Variants in NDUFA2 observed in about 807,000 individuals in gnomAD.
NDUFA2 encodes the protein NADH:ubiquinone oxidoreductase subunit A2, also known as NADH dehydrogenase [ubiquinone] 1 alpha subcomplex subunit 2.
A neutral mutation model predicts 11.4 loss-of-function variants in NDUFA2; 9 were observed. The ratio of observed to expected loss-of-function variants is 0.79; its 90% CI spans 0.48 to 1.38. The LOEUF (loss-of-function observed/expected upper bound fraction) is 1.38, where lower values mean the gene tolerates loss of function less well. Ranked by LOEUF, NDUFA2 falls within the 40% of genes most tolerant of loss-of-function variation. The pLI, the probability that NDUFA2 is intolerant of heterozygous loss-of-function variation, is 0.00. For missense variants in NDUFA2, 150 were observed against 131.2 expected, an observed-to-expected ratio of 1.14 and a Z score of -0.70; for synonymous variants, 49 against 54.0, an observed-to-expected ratio of 0.91 and a Z score of 0.41.
intron 2 of NDUFA2, among the ~76,000 whole-genome samples, chr5:140,646,286 C>A (rs576606273): frequency 6.6e-6 from 1 of 152,160 alleles, no homozygotes; most frequent in African/African-American, 2.4e-5. Flanking sequence ...GCTGGGATTA[C>A]AGGCGTGAAC....
At position 140,647,325 on chromosome 5, in the gene NDUFA2, C is replaced by A. The variant is rs913505571; in HGVS notation, c.139G>T (p.Ala47Ser). 1 of 1,601,878 alleles carries A rather than the reference C, an allele frequency of 6.2e-7. No homozygotes were observed. Among genetic ancestry groups the A allele is most frequent in the African/African-American group, 1.3e-5 (1 of 74,752 alleles). Residue 47 changes from alanine (A) to serine (S), a missense_variant, in exon 2 of 3, where the codon GCG becomes TCG. By Grantham distance (99) the Ala-to-Ser change is moderately conservative. Transcript: ENST00000252102. ...IEKRYVELKK[A>S]NPDLPILIRE... ...ATTAGGATGGGTAGGTCGGGATTCG[C>A]CTTCTTCAGCTCCACGTAGCGTTTC...
intron 1 of NDUFA2, 50 bp from the exon 2 acceptor site, chr5:140,647,412 C>A (rs754726383): frequency 1.1e-5 from 17 of 1,610,598 alleles, no homozygotes; most frequent in Non-Finnish European, 1.4e-5. Flanking sequence ...GGGCTTCCCT[C>A]AACTTCAGGG....
intron 2 of NDUFA2, 157 bp from the exon 3 acceptor site, chr5:140,645,835 A>C: frequency 7.6e-7 from 1 of 1,307,816 alleles, no homozygotes; most frequent in South Asian, 1.3e-5. Flanking sequence ...AATTAATACA[A>C]TAGGTCTCAA....
chr5:140,645,487 A>G lies in NDUFA2; in HGVS notation c.*100T>C. ...ACCCTGAGAAAGTATTTTACAGCACAAGCTTTATGAGGAATAGGAGAACAC... is the reference window on the plus strand; with the variant it reads ...ACCCTGAGAAAGTATTTTACAGCACGAGCTTTATGAGGAATAGGAGAACAC... On this transcript the variant is annotated 3_prime_UTR_variant, in exon 3 of 3. Coordinates refer to ENST00000252102, the MANE Select transcript of NDUFA2 (RefSeq NM_002488.5). The G allele has an allele frequency of 6.8e-7, 1 of 1,472,840 alleles. No individual in the cohort carries two copies. Among genetic ancestry groups the G allele is most frequent in the Non-Finnish European group, 9.4e-7 (1 of 1,063,788 alleles). 91.2% of individuals were successfully genotyped at this position (1,472,840 alleles called of 1,614,324 possible). A position where few individuals can be genotyped will look rare whatever the true frequency, so the allele number is the denominator to read the frequency against.
intron 1 of NDUFA2, 31 bp from the exon 2 acceptor site, chr5:140,647,393 T>G: frequency 6.2e-7 from 1 of 1,611,116 alleles, no homozygotes; most frequent in East Asian, 2.2e-5. Context: ...CCGCGCGTGC[T>G]GTGGGCGGGG....
At chr5:140,646,304 C>T (rs1757394945) in intron 2 of NDUFA2, among the ~76,000 whole-genome samples, 1 of 152,188 alleles carries the variant, frequency 6.6e-6, no homozygotes, top group Non-Finnish European at 1.5e-5. Context: ...AACCACCGCA[C>T]CCAGCTGGGT....
chr5:140,645,290 G>C lies in NDUFA2; in HGVS notation c.*297C>G. ...AGGCAGGAGGACCAAAAGGGACTCAGTGTGGTCTACTTACTCTGGGGCCCT... is the reference window on the plus strand; with the variant it reads ...AGGCAGGAGGACCAAAAGGGACTCACTGTGGTCTACTTACTCTGGGGCCCT... On this transcript the variant is annotated 3_prime_UTR_variant, in exon 3 of 3. Transcript: ENST00000252102. The C allele has an allele frequency of 1.4e-6, 1 of 712,302 alleles. No individual in the cohort carries two copies. Among genetic ancestry groups the C allele is most frequent in the South Asian group, 1.7e-5 (1 of 60,016 alleles). The allele number at this position is 712,302 out of a possible 1,614,324, so 44.1% of individuals were successfully genotyped here. A position where few individuals can be genotyped will look rare whatever the true frequency, so the allele number is the denominator to read the frequency against.
In NDUFA2 at chr5:140,647,567, G is replaced by A. The variant is rs745915609; in HGVS notation, c.17C>T (p.Ala6Val). 17 of 1,610,582 alleles carry A rather than the reference G, an allele frequency of 1.1e-5. No homozygotes were observed. Among genetic ancestry groups the A allele is most frequent in the Non-Finnish European group, 1.4e-5 (17 of 1,179,966 alleles). MAAAA[A>V]SRGVGAKLGL... Reference sequence around the variant, plus strand: ...CAGCTTTGCCCCGACTCCTCGACTTGCTGCGGCCGCCGCCATCCTTGTTAA... The same window carrying A: ...CAGCTTTGCCCCGACTCCTCGACTTACTGCGGCCGCCGCCATCCTTGTTAA... Residue 6 changes from alanine to valine, a missense_variant, in exon 1 of 3, where the codon GCA (alanine) becomes GTA (valine). Ala to Val is a moderately conservative substitution (Grantham distance 64). Coordinates refer to ENST00000252102, the MANE Select transcript of NDUFA2 (RefSeq NM_002488.5).
At chr5:140,647,119 G>A in intron 2 of NDUFA2, 137 bp downstream of exon 2, 1 of 979,292 alleles carries the variant, frequency 1.0e-6, no homozygotes, top group East Asian at 2.7e-5. Flanking sequence ...TTTCTTCATG[G>A]AAACAAGATC....
intron 2 of NDUFA2, among the ~76,000 whole-genome samples, chr5:140,646,462 C>G (rs1359703776): frequency 6.6e-6 from 1 of 152,102 alleles, no homozygotes; most frequent in African/African-American, 2.4e-5. Context: ...TGTCTAATGT[C>G]TACTGTGTCT....
chr5:140,647,572 G>C lies in NDUFA2; in HGVS notation c.12C>G (p.Ala4=). The C allele has an allele frequency of 6.2e-7, 1 of 1,610,418 alleles. No individual in the cohort carries two copies. Among genetic ancestry groups the C allele is most frequent in the Non-Finnish European group, 8.5e-7 (1 of 1,179,956 alleles). Reference sequence around the variant, plus strand: ...TTGCCCCGACTCCTCGACTTGCTGCGGCCGCCGCCATCCTTGTTAATATCG... The same window carrying C: ...TTGCCCCGACTCCTCGACTTGCTGCCGCCGCCGCCATCCTTGTTAATATCG... MAA[A]AASRGVGAKL... The change falls in exon 1 of 3, where the codon GCC becomes GCG. Residue 4 remains alanine, a synonymous_variant. Transcript: ENST00000252102.
At position 140,647,288 on chromosome 5, in the gene NDUFA2, G is replaced by A. The variant is rs138906500; in HGVS notation, c.176C>T (p.Ser59Phe). 2.3e-5 allele frequency: 36 copies of A among 1,571,720 alleles called. No homozygotes were observed. Among genetic ancestry groups the A allele is most frequent in the Non-Finnish European group, 2.9e-5 (34 of 1,156,572 alleles). The change falls in exon 2 of 3, where the codon TCC (serine) becomes TTC (phenylalanine). Residue 59 changes from serine (S) to phenylalanine (F), a missense_variant. Ser to Phe is a radical substitution (Grantham distance 155). Transcript: ENST00000252102. ...PDLPILIREC[S>F]DVQPKLWARY... ...GGCCCAGAGCTTGGGCTGCACATCGGAGCATTCGCGGATTAGGATGGGTAG... is the reference window on the plus strand; with the variant it reads ...GGCCCAGAGCTTGGGCTGCACATCGAAGCATTCGCGGATTAGGATGGGTAG...
chr5:140,647,415 C>T (rs1265878491), intron 1 of NDUFA2, 53 bp from the exon 2 acceptor site: 28 of 1,611,260 alleles, frequency 1.7e-5, no homozygotes, highest in Non-Finnish European at 2.3e-5. Context: ...CTTCCCTCAA[C>T]TTCAGGGAGG....
In NDUFA2 at chr5:140,647,589, T is replaced by C. The variant is rs776923081; in HGVS notation, c.-6A>G. The C allele has an allele frequency of 6.2e-7, 1 of 1,609,140 alleles. No individual in the cohort carries two copies. The highest frequency in any genetic ancestry group is 2.2e-5 in the East Asian group (1 of 44,866). On this transcript the variant is annotated 5_prime_UTR_variant, in exon 1 of 3. Transcript: ENST00000252102. ...CTTGCTGCGGCCGCCGCCATCCTTGTTAATATCGAAGTCGCCAATTCCAGG... is the reference window on the plus strand; with the variant it reads ...CTTGCTGCGGCCGCCGCCATCCTTGCTAATATCGAAGTCGCCAATTCCAGG...
chr5:140,646,831 C>T (rs1581475260), intron 2 of NDUFA2, among the ~76,000 whole-genome samples: 1 of 152,278 alleles, frequency 6.6e-6, no homozygotes, highest in Non-Finnish European at 1.5e-5. Context: ...AAGAAGAACA[C>T]GCTTCCTCCT....
chr5:140,645,349 G>C lies in NDUFA2; in HGVS notation c.*238C>G. On this transcript the variant is annotated 3_prime_UTR_variant, in exon 3 of 3. Transcript: ENST00000252102. ...TGCCCCCCCGCCACCCTTCATGTTTGCTTCAGCAGCTGGTAGCTTTTGATG... is the reference window on the plus strand; with the variant it reads ...TGCCCCCCCGCCACCCTTCATGTTTCCTTCAGCAGCTGGTAGCTTTTGATG... 1 of 748,654 alleles carries C rather than the reference G, an allele frequency of 1.3e-6. No individual in the cohort carries two copies. Among genetic ancestry groups the C allele is most frequent in the Non-Finnish European group, 2.3e-6 (1 of 431,580 alleles). 46.4% of individuals were successfully genotyped at this position (748,654 alleles called of 1,614,324 possible).
At chr5:140,646,691 A>C (rs1052457699) in intron 2 of NDUFA2, among the ~76,000 whole-genome samples, 2 of 152,200 alleles carry the variant, frequency 1.3e-5, no homozygotes, top group Admixed American at 1.3e-4. Context: ...GGGTAAGTGC[A>C]TTCTAGGAAG....
intron 2 of NDUFA2, 89 bp downstream of exon 2, chr5:140,647,167 G>T: frequency 7.3e-7 from 1 of 1,370,104 alleles, no homozygotes. Flanking sequence ...GTTTCTCCAC[G>T]GGTTTCTGCA....
chr5:140,647,267 C>T lies in NDUFA2; in HGVS notation c.197G>A (p.Trp66Ter). Reference sequence around the variant, plus strand: ...CGTCCCGCACTCACCGTAGCGGGCCCAGAGCTTGGGCTGCACATCGGAGCA... The same window carrying T: ...CGTCCCGCACTCACCGTAGCGGGCCTAGAGCTTGGGCTGCACATCGGAGCA... ...RECSDVQPKL[W>*]ARYAFGQETN... is the part of the protein sequence containing the mutation. The change falls in exon 2 of 3, where the codon TGG becomes TAG. Residue 66 changes from tryptophan (W) to a stop codon, truncating the protein, a stop_gained. Transcript: ENST00000252102. LOFTEE classifies it high-confidence loss of function. 6.4e-7 allele frequency: 1 copy of T among 1,552,280 alleles called. No individual in the cohort carries two copies. Among genetic ancestry groups the T allele is most frequent in the Non-Finnish European group, 8.7e-7 (1 of 1,148,540 alleles).
Sources: allele counts gnomAD v4.1 joint callset (sites outside exome capture counted in the v4.1 genomes callset), GRCh38; gene constraint gnomAD v4.1.1; transcripts MANE v1.5; gene names NCBI Gene and HGNC (gene_info 2026-07-23, HGNC 2026-07-21).